The following PALLD variants were observed in gnomAD, a reference collection of about 807,000 sequenced individuals.
PALLD encodes the protein palladin.
Under a neutral mutation model 123.5 loss-of-function variants are expected in PALLD, and 61 were observed. The observed-to-expected ratio is 0.49, with a 90% CI of 0.40 to 0.61. The LOEUF (loss-of-function observed/expected upper bound fraction) is 0.61, where lower values mean the gene tolerates loss of function less well. Ranked by LOEUF, PALLD falls within the 20% of genes least tolerant of loss-of-function variation. The pLI, the probability that PALLD is intolerant of heterozygous loss-of-function variation, is 0.00. For missense variants in PALLD, 1,273 were observed against 1,377.0 expected (o/e 0.92, Z 1.20); for synonymous variants, 465 against 496.4 (o/e 0.94, Z 0.84).
intron 10 of PALLD, among the ~76,000 whole-genome samples, chr4:168,882,813 C>A (rs748793437): frequency 3.3e-5 from 5 of 152,108 alleles, no homozygotes; most frequent in Non-Finnish European, 7.4e-5. Context: ...CAGACCTGTA[C>A]GGCTGTGTAC....
At chr4:168,828,027 C>A (rs1198495096) in intron 10 of PALLD, among the ~76,000 whole-genome samples, 2 of 152,174 alleles carry the variant, frequency 1.3e-5, no homozygotes, top group African/African-American at 4.8e-5. Context: ...GGTAACACTG[C>A]AGGACTCCGT....
chr4:168,626,077 C>G (rs1396780289), intron 2 of PALLD, among the ~76,000 whole-genome samples: 1 of 149,832 alleles, frequency 6.7e-6, no homozygotes, highest in Non-Finnish European at 1.5e-5. Flanking sequence ...TCCTGGCTAA[C>G]ATGGTAAAAC....
intron 2 of PALLD, among the ~76,000 whole-genome samples, chr4:168,636,296 T>G (rs1383842800): frequency 6.6e-6 from 1 of 152,160 alleles, no homozygotes; most frequent in Non-Finnish European, 1.5e-5. Flanking sequence ...GACACCAGCC[T>G]GGGCAACATA....
chr4:168,783,755 A>T, intron 10 of PALLD, among the ~76,000 whole-genome samples: 1 of 152,122 alleles, frequency 6.6e-6, no homozygotes, highest in East Asian at 1.9e-4. Flanking sequence ...AGAGGTGGGG[A>T]TTGGTTGATA....
chr4:168,797,606 C>T (rs537581341), intron 10 of PALLD, among the ~76,000 whole-genome samples: 177 of 152,208 alleles, frequency 1.2e-3, no homozygotes, highest in South Asian at 3.7e-3. Context: ...ATATTCTCAA[C>T]TTTACTCTGA....
chr4:168,683,730 T>G (rs1327497424), intron 5 of PALLD, among the ~76,000 whole-genome samples: 1 of 152,174 alleles, frequency 6.6e-6, no homozygotes, highest in African/African-American at 2.4e-5. Flanking sequence ...CATGGTTTAA[T>G]GAATATGTTC....
At chr4:168,704,581 A>G (rs919153368) in intron 8 of PALLD, among the ~76,000 whole-genome samples, 15 of 150,348 alleles carry the variant, frequency 1.0e-4, no homozygotes, top group African/African-American at 3.4e-4. Context: ...GGAGAATGGC[A>G]TGAACCCGGG....
At chr4:168,618,418 C>A (rs1022245017) in intron 2 of PALLD, among the ~76,000 whole-genome samples, 6 of 152,162 alleles carry the variant, frequency 3.9e-5, no homozygotes, top group Non-Finnish European at 7.3e-5. Context: ...CAGGGAGGAT[C>A]TGGGTAGAGA....
chr4:168,694,976 C>T (rs750500536), intron 8 of PALLD, among the ~76,000 whole-genome samples: 1 of 152,196 alleles, frequency 6.6e-6, no homozygotes, highest in Non-Finnish European at 1.5e-5. Flanking sequence ...GCTGTTAATA[C>T]TCAGTCTCTT....
intron 21 of PALLD, 25 bp downstream of exon 21, chr4:168,925,303 T>C: frequency 6.4e-7 from 1 of 1,557,678 alleles, no homozygotes; most frequent in Non-Finnish European, 8.9e-7. Flanking sequence ...CTTTGAATTA[T>C]TAGCAAAATA....
chr4:168,660,562 G>C (rs923376966), intron 2 of PALLD, among the ~76,000 whole-genome samples: 26 of 151,980 alleles, frequency 1.7e-4, no homozygotes, highest in African/African-American at 3.1e-4. Flanking sequence ...ATCCTTACGG[G>C]GAGGGAGGAA....
rs928577487 is a variant in PALLD, at chr4:168,619,617, G to C, written c.909-48573G>C. 2.6e-5 allele frequency among the ~76,000 whole-genome samples: 4 copies of C among 152,176 alleles called. No homozygotes were observed. In the East Asian group the frequency reaches 7.7e-4, roughly 29 times the overall value. On this transcript the variant is annotated intron_variant, in intron 2 of 21. Transcript: ENST00000505667. The stretch of plus-strand genomic sequence containing the variant: ...GGAGATCAACTGTTTCTTATACTGT[G>C]GTGGGAAATCTTTCAGTAGAACCAA...
intron 2 of PALLD, among the ~76,000 whole-genome samples, chr4:168,533,708 G>A (rs1764823844): frequency 1.3e-5 from 2 of 152,144 alleles, no homozygotes; most frequent in Admixed American, 1.3e-4. Context: ...GGGCCATGGG[G>A]TGAGCAGACA....
chr4:168,713,361 T>A (rs879838734), intron 10 of PALLD, among the ~76,000 whole-genome samples: 4 of 152,218 alleles, frequency 2.6e-5, no homozygotes, highest in Non-Finnish European at 5.9e-5. Flanking sequence ...ATCTTTGCAT[T>A]TTGAATATGT....
chr4:168,767,677 A>G (rs776123207), intron 10 of PALLD, among the ~76,000 whole-genome samples: 1 of 151,642 alleles, frequency 6.6e-6, no homozygotes, highest in Non-Finnish European at 1.5e-5. Flanking sequence ...CCTCCCAAGT[A>G]GCTGGGATTA....
chr4:168,801,526 C>T (rs1739326462), intron 10 of PALLD, among the ~76,000 whole-genome samples: 1 of 152,192 alleles, frequency 6.6e-6, no homozygotes, highest in Non-Finnish European at 1.5e-5. Flanking sequence ...GATCTGCCCG[C>T]CTCGGCCTCC....
intron 2 of PALLD, among the ~76,000 whole-genome samples, chr4:168,611,319 C>T (rs1450141002): frequency 2.6e-5 from 4 of 152,182 alleles, no homozygotes; most frequent in Non-Finnish European, 4.4e-5. Flanking sequence ...GCGGTGAAGT[C>T]TAAGCTTGTT....
chr4:168,679,184 T>TG (rs1781229692), intron 3 of PALLD, among the ~76,000 whole-genome samples: 1 of 91,740 alleles, frequency 1.1e-5, no homozygotes, highest in African/African-American at 4.5e-5. Context: ...TGGTGGGGTG[T>TG]GTGTGTGGTG....
chr4:168,713,760 T>C (rs12503748), intron 10 of PALLD, among the ~76,000 whole-genome samples: 59,286 of 149,686 alleles, frequency 0.4, 12,312 homozygotes, highest in Admixed American at 0.49. Flanking sequence ...TATATAAATA[T>C]ATAAATATAA....
Sources: gnomAD v4.1 joint callset for allele counts (sites outside exome capture counted in the v4.1 genomes callset) on GRCh38, gnomAD v4.1.1 for gene constraint, MANE v1.5 for transcripts, NCBI Gene and HGNC (gene_info 2026-07-23, HGNC 2026-07-21) for gene names.